Variants in EPHA6 observed in about 807,000 individuals in gnomAD.
EPHA6 encodes the protein EPH receptor A6, also known as ephrin type-A receptor 6.
EPHA6 carries 50 observed loss-of-function variants against 112.0 expected under a neutral mutation model. The observed-to-expected ratio is 0.45, with a 90% CI of 0.36 to 0.56. The LOEUF is 0.56. Among genes scored for constraint, EPHA6 ranks in the 20% least tolerant of loss-of-function variants. The probability of loss-of-function intolerance (pLI) is 0.00; values close to 1 mark genes in which losing one functional copy is unlikely to be tolerated. For synonymous variants in EPHA6, 529 were observed against 490.7 expected (o/e 1.08, Z -1.03); for missense variants, 1,280 against 1,417.4 (o/e 0.90, Z 1.56).
chr3:97,247,393 T>C (rs1215208315), intron 5 of EPHA6, among the ~76,000 whole-genome samples: 1 of 151,958 alleles, frequency 6.6e-6, no homozygotes, highest in Admixed American at 6.6e-5. Flanking sequence ...TTCACAAATA[T>C]GTAGTTAGTA....
At chr3:97,217,420 A>G (rs2078064493) in intron 3 of EPHA6, among the ~76,000 whole-genome samples, 1 of 152,232 alleles carries the variant, frequency 6.6e-6, no homozygotes, top group South Asian at 2.1e-4. Flanking sequence ...ATAGCAAGGT[A>G]GAATTAAACC....
chr3:97,402,522 T>G (rs1351985419), intron 5 of EPHA6, among the ~76,000 whole-genome samples: 3 of 152,148 alleles, frequency 2.0e-5, no homozygotes, highest in African/African-American at 7.2e-5. Context: ...TCAGTCTATT[T>G]GTGTCTTTAC....
intron 3 of EPHA6, among the ~76,000 whole-genome samples, chr3:97,056,270 G>A (rs1050844202): frequency 3.3e-5 from 5 of 152,140 alleles, no homozygotes; most frequent in African/African-American, 9.6e-5. Flanking sequence ...CTTGCTATGC[G>A]AACATACTTA....
intron 3 of EPHA6, among the ~76,000 whole-genome samples, chr3:97,157,499 T>C: frequency 6.6e-6 from 1 of 152,106 alleles, no homozygotes; most frequent in East Asian, 1.9e-4. Flanking sequence ...ATGTTTAATA[T>C]ACCTTCTGTC....
intron 14 of EPHA6, among the ~76,000 whole-genome samples, chr3:97,675,035 C>T (rs1383740108): frequency 1.3e-5 from 2 of 152,308 alleles, no homozygotes; most frequent in Non-Finnish European, 2.9e-5. Context: ...GGGGCCTATG[C>T]TTTGCGGGAA....
chr3:96,884,256 A>C (rs2037493489), intron 2 of EPHA6, among the ~76,000 whole-genome samples: 1 of 152,008 alleles, frequency 6.6e-6, no homozygotes, highest in African/African-American at 2.4e-5. Context: ...TTTTTTGAAG[A>C]ATGATGGTGG....
chr3:97,073,713 T>G (rs1015418646), intron 3 of EPHA6, among the ~76,000 whole-genome samples: 1 of 152,110 alleles, frequency 6.6e-6, no homozygotes, highest in Admixed American at 6.6e-5. Flanking sequence ...GCTAAGATTT[T>G]TTCATTATTT....
chr3:97,061,399 AC>A (rs1407849660), intron 3 of EPHA6, among the ~76,000 whole-genome samples: 2 of 152,196 alleles, frequency 1.3e-5, no homozygotes, highest in African/African-American at 4.8e-5. Flanking sequence ...ATCCAAGTAT[AC>A]AAAAAGCCAC....
rs1466334766 is a variant in EPHA6 at position 97,355,023 on chromosome 3, C to T, written c.1607-50127C>T. 2.0e-5 allele frequency among the ~76,000 whole-genome samples: 3 copies of T among 152,078 alleles called. No homozygotes were observed. In the East Asian group the frequency reaches 5.8e-4, roughly 29 times the overall value. On this transcript the variant is annotated intron_variant, in intron 5 of 17. Transcript: ENST00000389672. ...GAATCTAGTAAAAATATCCTTCAAA[C>T]ATTCAAACATGAAGGAGAAATAAAG...
chr3:97,291,432 A>T (rs2080679373), intron 5 of EPHA6, among the ~76,000 whole-genome samples: 1 of 152,180 alleles, frequency 6.6e-6, no homozygotes, highest in African/African-American at 2.4e-5. Context: ...GATCTGCCTA[A>T]TGCTGAGAGT....
intron 3 of EPHA6, among the ~76,000 whole-genome samples, chr3:97,061,292 G>T (rs2046013420): frequency 6.6e-6 from 1 of 152,160 alleles, no homozygotes; most frequent in Non-Finnish European, 1.5e-5. Flanking sequence ...TAGGACTAAA[G>T]TCAGAATGTA....
At chr3:97,664,890 T>C (rs2094194878) in intron 14 of EPHA6, among the ~76,000 whole-genome samples, 1 of 152,202 alleles carries the variant, frequency 6.6e-6, no homozygotes, top group Non-Finnish European at 1.5e-5. Context: ...ATGGCCATAC[T>C]GCCCAAGGTA....
chr3:97,263,001 A>G (rs1369404230), intron 5 of EPHA6, among the ~76,000 whole-genome samples: 1 of 152,234 alleles, frequency 6.6e-6, no homozygotes, highest in Non-Finnish European at 1.5e-5. Flanking sequence ...AAATATGTCT[A>G]TAATTTAGAC....
intron 3 of EPHA6, among the ~76,000 whole-genome samples, chr3:97,166,469 A>G (rs1197945653): frequency 1.3e-5 from 2 of 152,038 alleles, no homozygotes; most frequent in Admixed American, 1.3e-4. Context: ...TAGGTGATTT[A>G]TTAAGTTAGG....
chr3:97,299,183 ATGTGTGTGTGTGTG>A (rs34282025), intron 5 of EPHA6, among the ~76,000 whole-genome samples: 1 of 144,512 alleles, frequency 6.9e-6, no homozygotes, highest in Non-Finnish European at 1.5e-5. Context: ...GATGATCAGG[ATGTGTGTGTGTGTG>A]TGTGTGTGTG....
chr3:97,181,952 G>C lies in EPHA6; in HGVS notation c.1115-44312G>C, dbSNP rs573468319. 2.0e-5 allele frequency among the ~76,000 whole-genome samples: 3 copies of C among 152,010 alleles called. No homozygotes were observed. In the East Asian group the frequency reaches 5.8e-4, roughly 30 times the overall value. On this transcript the variant is annotated intron_variant, in intron 3 of 17. Coordinates refer to ENST00000389672, the MANE Select transcript of EPHA6 (RefSeq NM_001080448.3). ...AAACATTATGATTCATCTGGGAGCC[G>C]ACACTTGGCACAGCTGAGCCAATTA... is the stretch of plus-strand genomic sequence containing the variant.
intron 3 of EPHA6, among the ~76,000 whole-genome samples, chr3:97,062,688 G>T (rs1186327424): frequency 6.6e-6 from 1 of 152,098 alleles, no homozygotes; most frequent in Non-Finnish European, 1.5e-5. Context: ...AGATCTGATG[G>T]TTTTATAAGG....
intron 3 of EPHA6, among the ~76,000 whole-genome samples, chr3:97,177,583 A>G (rs1386064394): frequency 6.6e-6 from 1 of 151,888 alleles, no homozygotes; most frequent in Non-Finnish European, 1.5e-5. Context: ...TATGTTTACA[A>G]TTATGATATC....
At chr3:97,344,386 C>T (rs370664972) in intron 5 of EPHA6, among the ~76,000 whole-genome samples, 19 of 152,116 alleles carry the variant, frequency 1.2e-4, no homozygotes, top group East Asian at 1.2e-3. Flanking sequence ...GGAGGTGAGA[C>T]CTTTGGGAAG....
Sources: allele counts gnomAD v4.1 joint callset (sites outside exome capture counted in the v4.1 genomes callset), GRCh38; gene constraint gnomAD v4.1.1; transcripts MANE v1.5; gene names NCBI Gene and HGNC (gene_info 2026-07-23, HGNC 2026-07-21).